DIPK2B: variants seen among roughly 807,000 people sequenced by gnomAD.
The protein encoded by DIPK2B is divergent protein kinase domain 2B.
DIPK2B carries 15 observed loss-of-function variants against 22.2 expected under a neutral mutation model. The ratio of observed to expected loss-of-function variants is 0.68; its 90% CI spans 0.45 to 1.04. The LOEUF (loss-of-function observed/expected upper bound fraction) is 1.04, where lower values mean the gene tolerates loss of function less well. Among genes scored for constraint, DIPK2B ranks in the 50% least tolerant of loss-of-function variants. The probability of loss-of-function intolerance (pLI) is 0.00; values close to 1 mark genes in which losing one functional copy is unlikely to be tolerated. For missense variants in DIPK2B, 345 were observed against 348.3 expected, an observed-to-expected ratio of 0.99 and a Z score of 0.08; for synonymous variants, 163 against 153.2, an observed-to-expected ratio of 1.06 and a Z score of -0.47.
chrX:45,175,666 T>C (rs1013451420), intron 2 of DIPK2B, among the ~76,000 whole-genome samples: 3 of 101,862 alleles, frequency 2.9e-5, no homozygotes, highest in African/African-American at 1.1e-4. Flanking sequence ...TAAAGTGATA[T>C]GGACTCATTG....
chrX:45,158,947 G>C (rs1268810413), intron 2 of DIPK2B, among the ~76,000 whole-genome samples: 2 of 111,732 alleles, frequency 1.8e-5, no homozygotes, highest in Non-Finnish European at 3.8e-5. Flanking sequence ...TTGGATTCAG[G>C]ATTTGAACCC....
At chrX:45,154,280 T>TATC (rs2046978547) in intron 3 of DIPK2B, 82 bp from the exon 4 acceptor site, 7 of 287,042 alleles carry the variant, frequency 2.4e-5, no homozygotes, top group Non-Finnish European at 3.3e-5. Context: ...TCTATCTCCC[T>TATC]ATCTATCTAT....
In DIPK2B at chrX:45,154,126, T is replaced by C. The variant is rs1165072320; in HGVS notation, c.745A>G (p.Ser249Gly). ...GSCGRFLVSTSTRPLQEFYDA... is the reference protein window; with the variant it reads ...GSCGRFLVSTGTRPLQEFYDA... ...TAGAATTCCTGCAGCGGTCTGGTGC[T>C]GGTGCTGACGAGGAATCTGCCACAG... The change falls in exon 4 of 5, where the codon AGC (serine) becomes GGC (glycine). Residue 249 changes from serine to glycine, a missense_variant. Coordinates refer to ENST00000398000, the MANE Select transcript of DIPK2B (RefSeq NM_176819.4). The C allele has an allele frequency of 8.3e-7, 1 of 1,210,864 alleles. No homozygotes were observed. The highest frequency in any genetic ancestry group is 3.0e-5 in the East Asian group (1 of 33,802).
chrX:45,198,031 C>A (rs1162472294), intron 1 of DIPK2B, among the ~76,000 whole-genome samples: 2 of 112,259 alleles, frequency 1.8e-5, no homozygotes, highest in Non-Finnish European at 3.8e-5. Flanking sequence ...CAATTGAATA[C>A]CATGAACCTG....
intron 2 of DIPK2B, among the ~76,000 whole-genome samples, chrX:45,160,223 A>C (rs1454075472): frequency 9.4e-6 from 1 of 106,128 alleles, no homozygotes; most frequent in Non-Finnish European, 1.9e-5. Flanking sequence ...TTTTTTTTTA[A>C]TGAGACAAAG....
chrX:45,165,416 G>A (rs1603100722), intron 2 of DIPK2B, among the ~76,000 whole-genome samples: 1 of 111,498 alleles, frequency 9.0e-6, no homozygotes, highest in Middle Eastern at 4.6e-3. Context: ...GCTTGAAGGA[G>A]AGATGGAGTT....
rs1448791930 is a variant in DIPK2B, at chrX:45,153,978, C to T, written c.893G>A (p.Gly298Asp). 8.3e-7 allele frequency: 1 copy of T among 1,210,824 alleles called. No homozygotes were observed. The highest frequency in any genetic ancestry group is 1.8e-5 in the South Asian group (1 of 56,954). The part of the protein sequence containing the change: ...YFTHIDAGMF[G>D]VFNNGHLFIR... The stretch of plus-strand genomic sequence containing the variant: ...GAACAGATGCCCGTTGTTAAAGACG[C>T]CGAACATGCCTGCATCAATGTGGGT... Residue 298 changes from glycine to aspartate, a missense_variant, in exon 4 of 5, where the codon GGC (glycine) becomes GAC (aspartate). Gly to Asp is a moderately conservative substitution (Grantham distance 94). Transcript: ENST00000398000.
chrX:45,185,476 C>T (rs1457864090), intron 2 of DIPK2B, among the ~76,000 whole-genome samples: 2 of 110,360 alleles, frequency 1.8e-5, no homozygotes, highest in Admixed American at 9.6e-5. Context: ...GCTTCGGTTA[C>T]GTTTTGGCTG....
intron 2 of DIPK2B, among the ~76,000 whole-genome samples, chrX:45,161,813 G>C (rs2047023994): frequency 8.9e-6 from 1 of 111,877 alleles, no homozygotes; most frequent in Admixed American, 9.5e-5. Context: ...CTCAATGTGA[G>C]AGTGGACAAC....
At chrX:45,166,223 A>T (rs1221681757) in intron 2 of DIPK2B, among the ~76,000 whole-genome samples, 1 of 111,541 alleles carries the variant, frequency 9.0e-6, no homozygotes, top group Non-Finnish European at 1.9e-5. Context: ...TGACCGAAGC[A>T]CCAGATGCAT....
At position 45,151,437 on chromosome X, in the gene DIPK2B, G is replaced by A; in HGVS notation, c.*215C>T. 1 of 435,167 alleles carries A rather than the reference G, an allele frequency of 2.3e-6. No homozygotes were observed. Among genetic ancestry groups the A allele is most frequent in the South Asian group, 3.6e-5 (1 of 27,798 alleles). The allele number at this position is 435,167 out of a possible 1,213,427, so 35.9% of individuals were successfully genotyped here. ...GACATTGAGTGAGCGTCCACACCCA[G>A]GTCTTCTGATGCCCACCGCGGGCTT... is the stretch of plus-strand genomic sequence containing the variant. On this transcript the variant is annotated 3_prime_UTR_variant, in exon 5 of 5. Transcript: ENST00000398000.
At chrX:45,156,911 C>T (rs1424400669) in intron 3 of DIPK2B, among the ~76,000 whole-genome samples, 1 of 108,915 alleles carries the variant, frequency 9.2e-6, no homozygotes, top group Non-Finnish European at 1.9e-5. Flanking sequence ...TCTTCTCCTC[C>T]TTCCTTTCCC....
At chrX:45,186,219 A>T (rs1029852388) in intron 2 of DIPK2B, among the ~76,000 whole-genome samples, 3 of 111,897 alleles carry the variant, frequency 2.7e-5, no homozygotes, top group African/African-American at 9.8e-5. Flanking sequence ...CCATGACTGG[A>T]AGGAGAAAAT....
At chrX:45,152,071 G>T in intron 4 of DIPK2B, 79 bp from the exon 5 acceptor site, 3 of 955,310 alleles carry the variant, frequency 3.1e-6, no homozygotes, top group Non-Finnish European at 4.3e-6. Flanking sequence ...AGAATTCCTG[G>T]GTGGGGCCGG....
At chrX:45,189,080 A>AT (rs1333537330) in intron 2 of DIPK2B, among the ~76,000 whole-genome samples, 2 of 111,920 alleles carry the variant, frequency 1.8e-5, no homozygotes, top group African/African-American at 6.5e-5. Context: ...AAAAAAATAG[A>AT]TTTTGTCTCA....
intron 2 of DIPK2B, among the ~76,000 whole-genome samples, chrX:45,169,226 G>C (rs1405882612): frequency 8.9e-6 from 1 of 111,858 alleles, no homozygotes; most frequent in Non-Finnish European, 1.9e-5. Context: ...GGCGTTGAGA[G>C]GGTCAAGGTT....
At chrX:45,185,273 A>C (rs942918253) in intron 2 of DIPK2B, among the ~76,000 whole-genome samples, 1 of 112,413 alleles carries the variant, frequency 8.9e-6, no homozygotes, top group African/African-American at 3.2e-5. Context: ...AGTCACACTT[A>C]ACGGCAAAAG....
Position 45,182,074 on chromosome X carries a change from CA to C in DIPK2B, c.498+9676del, listed in dbSNP as rs200586875. On this transcript the variant is annotated intron_variant, in intron 2 of 4. Transcript: ENST00000398000. The stretch of plus-strand genomic sequence containing the variant: ...GCTTGGTGACAGAGACACCCTGTCT[CA>C]AAAAAAAAAAAAAATACCATTAAGA... Among the ~76,000 whole-genome samples the C allele has an allele frequency of 7.5e-3, 653 of 86,695 alleles. 5 individuals carry two copies. The highest frequency in any genetic ancestry group is 0.021 in the African/African-American group (511 of 23,864). 75.3% of individuals were successfully genotyped at this position (86,695 alleles called of 115,157 possible).
chrX:45,191,669 T>G, intron 2 of DIPK2B, 82 bp downstream of exon 2: 1 of 1,060,109 alleles, frequency 9.4e-7, no homozygotes, highest in Non-Finnish European at 1.3e-6. Context: ...TTTCTCAAAC[T>G]GAGATATGAG....
Sources: gnomAD v4.1 joint callset for allele counts (sites outside exome capture counted in the v4.1 genomes callset) on GRCh38, gnomAD v4.1.1 for gene constraint, MANE v1.5 for transcripts, NCBI Gene and HGNC (gene_info 2026-07-23, HGNC 2026-07-21) for gene names.